CDCA7L: variants seen among roughly 807,000 people sequenced by gnomAD.
CDCA7L encodes the protein cell division cycle associated 7 like, also known as cell division cycle-associated 7-like protein.
Under a neutral mutation model 57.4 loss-of-function variants are expected in CDCA7L, and 44 were observed. The ratio of observed to expected loss-of-function variants is 0.77; its 90% CI spans 0.60 to 0.98. CDCA7L has a LOEUF of 0.98. Ranked by LOEUF, CDCA7L falls within the 50% of genes least tolerant of loss-of-function variation. The probability of loss-of-function intolerance (pLI) is 0.00; values close to 1 mark genes in which losing one functional copy is unlikely to be tolerated. For synonymous variants in CDCA7L, 236 were observed against 202.8 expected, an observed-to-expected ratio of 1.16 and a Z score of -1.39; for missense variants, 644 against 580.6, an observed-to-expected ratio of 1.11 and a Z score of -1.12.
At chr7:21,903,218 T>A in intron 8 of CDCA7L, 104 bp from the exon 9 acceptor site, 2 of 1,078,718 alleles carry the variant, frequency 1.9e-6, no homozygotes, top group Non-Finnish European at 2.6e-6. Context: ...CTCCAACCTT[T>A]AATCACATGG....
At chr7:21,938,288 A>G (rs1365649128) in intron 1 of CDCA7L, among the ~76,000 whole-genome samples, 2 of 152,192 alleles carry the variant, frequency 1.3e-5, no homozygotes, top group Non-Finnish European at 1.5e-5. Flanking sequence ...AACGGGCACA[A>G]GAAAAAAATT....
At chr7:21,915,557 G>C (rs541815217) in intron 2 of CDCA7L, among the ~76,000 whole-genome samples, 42 of 150,760 alleles carry the variant, frequency 2.8e-4, no homozygotes, top group South Asian at 6.3e-4. Context: ...CAGCACTTTC[G>C]GAGGCCAAGG....
Position 21,908,246 on chromosome 7 carries a change from C to G in CDCA7L, c.565G>C (p.Val189Leu). The change falls in exon 4 of 10, where the codon GTG (valine) becomes CTG (leucine). Residue 189 changes from valine to leucine, a missense_variant. Val to Leu is a conservative substitution (Grantham distance 32). Transcript: ENST00000406877. ...ILERKKDCRQVIQREDSTSES... is the reference protein window; with the variant it reads ...ILERKKDCRQLIQREDSTSES... ...GAGGTAGAATCTTCCCTTTGTATCA[C>G]CTGTCTACAGTCTTTCTTTCTTTCA... 6.2e-7 allele frequency: 1 copy of G among 1,613,728 alleles called. No homozygotes were observed. Among genetic ancestry groups the G allele is most frequent in the South Asian group, 1.1e-5 (1 of 91,050 alleles).
At chr7:21,933,485 T>G (rs1786077080) in intron 1 of CDCA7L, among the ~76,000 whole-genome samples, 1 of 152,150 alleles carries the variant, frequency 6.6e-6, no homozygotes, top group Non-Finnish European at 1.5e-5. Flanking sequence ...AAAGGATGTG[T>G]TCATGTCCTT....
At chr7:21,937,090 A>G (rs1026796969) in intron 1 of CDCA7L, among the ~76,000 whole-genome samples, 1 of 152,200 alleles carries the variant, frequency 6.6e-6, no homozygotes, top group African/African-American at 2.4e-5. Context: ...AAGTTTAACC[A>G]AAAAGGCGAA....
chr7:21,924,501 G>C (rs1335330009), intron 1 of CDCA7L, among the ~76,000 whole-genome samples: 2 of 152,176 alleles, frequency 1.3e-5, no homozygotes, highest in Admixed American at 1.3e-4. Flanking sequence ...CGAAGGGCGA[G>C]AACTGTTATT....
In CDCA7L at chr7:21,901,178, G is replaced by C. The variant is rs1220464771; in HGVS notation, c.*1144C>G. ...AAACTGAGAGGCCCCAGCTACATCT[G>C]GACCTTCAGGCTGAAGAGCGAAGAG... is the stretch of plus-strand genomic sequence containing the variant. On this transcript the variant is annotated 3_prime_UTR_variant, in exon 10 of 10. Transcript: ENST00000406877. The C allele has an allele frequency of 6.2e-7, 1 of 1,613,884 alleles. No individual in the cohort carries two copies. Among genetic ancestry groups the C allele is most frequent in the Non-Finnish European group, 8.5e-7 (1 of 1,179,848 alleles).
rs779062145 is a variant in CDCA7L at position 21,904,254 on chromosome 7, G to T, written c.1053C>A (p.Asn351Lys). The T allele has an allele frequency of 1.2e-6, 2 of 1,603,400 alleles. No homozygotes were observed. The highest frequency in any genetic ancestry group is 2.2e-5 in the South Asian group (2 of 89,088). Residue 351 changes from asparagine (N) to lysine (K), a missense_variant, in exon 8 of 10, where the codon AAC becomes AAA. Transcript: ENST00000406877. The part of the protein sequence containing the change: ...RDKIYDKVLG[N>K]TCHQCRQKTI... ...TCTTTTGTCGACACTGATGGCACGT[G>T]TTACCCTACAGGGGGAAGGCAGTGA... is the stretch of plus-strand genomic sequence containing the variant.
In CDCA7L at chr7:21,937,236, T is replaced by C. The variant is rs142488836; in HGVS notation, c.24+8545A>G. On this transcript the variant is annotated intron_variant, in intron 1 of 9. Coordinates refer to ENST00000406877, the MANE Select transcript of CDCA7L (RefSeq NM_018719.5). ...TAACTGAAGCTATGTACAGACTCAA[T>C]GTATTCCTTCTCAAACTCTCAGTGA... Among the ~76,000 whole-genome samples the C allele has an allele frequency of 1.1e-4, 17 of 152,318 alleles. No homozygotes were observed. In the East Asian group the frequency reaches 3.3e-3, roughly 29 times the overall value.
intron 3 of CDCA7L, among the ~76,000 whole-genome samples, chr7:21,909,512 A>C (rs1419768583): frequency 2.0e-5 from 3 of 152,190 alleles, no homozygotes; most frequent in Non-Finnish European, 2.9e-5. Context: ...AAAGTTAGAA[A>C]TAAGACACAG....
chr7:21,944,787 C>T (rs1313698234), intron 1 of CDCA7L: 5 of 151,878 alleles, frequency 3.3e-5, no homozygotes, highest in African/African-American at 4.8e-5. Context: ...CCCCTTCTCC[C>T]GGGCCAGGCA....
chr7:21,903,878 C>T, intron 8 of CDCA7L: 1 of 401,654 alleles, frequency 2.5e-6, no homozygotes. Flanking sequence ...GCAAGTTTTG[C>T]TCTGACAATG....
At chr7:21,939,073 T>C (rs746630768) in intron 1 of CDCA7L, among the ~76,000 whole-genome samples, 1 of 151,956 alleles carries the variant, frequency 6.6e-6, no homozygotes, top group Non-Finnish European at 1.5e-5. Flanking sequence ...TTAATAACAA[T>C]GTTAAGTGAA....
chr7:21,940,287 T>C (rs1786298655), intron 1 of CDCA7L: 2 of 984,646 alleles, frequency 2.0e-6, no homozygotes, highest in Non-Finnish European at 2.4e-6. Context: ...CCAGCCCTGA[T>C]GACTTCCAAA....
chr7:21,902,708 C>T, intron 9 of CDCA7L: 1 of 488,176 alleles, frequency 2.0e-6, no homozygotes, highest in Non-Finnish European at 3.6e-6. Context: ...TTGTTTGTTC[C>T]TTCCATTTCT....
At chr7:21,914,261 T>C (rs971524399) in intron 2 of CDCA7L, among the ~76,000 whole-genome samples, 5 of 152,186 alleles carry the variant, frequency 3.3e-5, no homozygotes, top group African/African-American at 9.7e-5. Flanking sequence ...GGGTGTTGGA[T>C]GCTTGAAATC....
chr7:21,910,202 A>G (rs1441892327), intron 3 of CDCA7L, among the ~76,000 whole-genome samples: 1 of 152,208 alleles, frequency 6.6e-6, no homozygotes, highest in Non-Finnish European at 1.5e-5. Context: ...AACAGAAAAT[A>G]AGTACATTGC....
chr7:21,913,967 C>G (rs971660102), intron 2 of CDCA7L, among the ~76,000 whole-genome samples: 7 of 152,180 alleles, frequency 4.6e-5, no homozygotes, highest in Non-Finnish European at 8.8e-5. Context: ...AGTTAGAAAC[C>G]CTGGCACTGC....
intron 3 of CDCA7L, among the ~76,000 whole-genome samples, chr7:21,910,433 C>T (rs1330078905): frequency 6.6e-6 from 1 of 152,166 alleles, no homozygotes; most frequent in East Asian, 1.9e-4. Context: ...CTTTTATGCT[C>T]TACATTCTCT....
Sources: gnomAD v4.1 joint callset for allele counts (sites outside exome capture counted in the v4.1 genomes callset) on GRCh38, gnomAD v4.1.1 for gene constraint, MANE v1.5 for transcripts, NCBI Gene and HGNC (gene_info 2026-07-23, HGNC 2026-07-21) for gene names.